The following AFG2A variants were observed in gnomAD, a reference collection of about 807,000 sequenced individuals.
AFG2A encodes the protein ATPase family gene 2 protein homolog A.
At chr4:123,240,753 T>C in the AFG2A span, among the ~76,000 whole-genome samples, 3 of 151,734 alleles carry the variant, frequency 2.0e-5, no homozygotes, top group Non-Finnish European at 4.4e-5. Flanking sequence ...ATACAAAAGC[T>C]AGCAGAAGGC....
chr4:123,204,556 G>A, the AFG2A span, among the ~76,000 whole-genome samples: 1 of 152,150 alleles, frequency 6.6e-6, no homozygotes, highest in Admixed American at 6.5e-5. Flanking sequence ...TGGATATGTG[G>A]TTTATACAAG....
At chr4:122,954,436 G>A in the AFG2A span, among the ~76,000 whole-genome samples, 2 of 152,206 alleles carry the variant, frequency 1.3e-5, no homozygotes, top group East Asian at 3.8e-4. Flanking sequence ...CCATTGGTCT[G>A]ACTTTATCTT....
chr4:123,227,810 G>T, the AFG2A span, among the ~76,000 whole-genome samples: 2 of 152,134 alleles, frequency 1.3e-5, no homozygotes, highest in African/African-American at 4.8e-5. Flanking sequence ...TGACAGTGGG[G>T]TGTTAAAGTC....
At chr4:123,131,556 A>G in the AFG2A span, among the ~76,000 whole-genome samples, 1 of 152,144 alleles carries the variant, frequency 6.6e-6, no homozygotes, top group African/African-American at 2.4e-5. Context: ...ACTGCTCTGG[A>G]TACCTCATAT....
the AFG2A span, among the ~76,000 whole-genome samples, chr4:123,078,147 G>GT: frequency 2.0e-5 from 3 of 151,718 alleles, no homozygotes; most frequent in East Asian, 1.9e-4. Flanking sequence ...GATTGTTCCT[G>GT]TTTTTTTTCT....
chr4:123,096,468 A>G, the AFG2A span, among the ~76,000 whole-genome samples: 1 of 152,012 alleles, frequency 6.6e-6, no homozygotes, highest in Non-Finnish European at 1.5e-5. Flanking sequence ...GCCCCTTTAG[A>G]AGTGTCCAGT....
chr4:123,189,637 T>C, the AFG2A span, among the ~76,000 whole-genome samples: 1 of 152,062 alleles, frequency 6.6e-6, no homozygotes, highest in Non-Finnish European at 1.5e-5. Flanking sequence ...TACTGTTGTT[T>C]GTTTCACTCC....
At chr4:123,269,889 T>C in the AFG2A span, among the ~76,000 whole-genome samples, 1 of 152,142 alleles carries the variant, frequency 6.6e-6, no homozygotes, top group South Asian at 2.1e-4. Context: ...CCATCTCGGC[T>C]CACGGCAACC....
chr4:123,317,236 A>C, the AFG2A span: 1 of 151,992 alleles, frequency 6.6e-6, no homozygotes, highest in Non-Finnish European at 1.5e-5. Context: ...AAAAAAAAAA[A>C]AAAAAAACCT....
the AFG2A span, among the ~76,000 whole-genome samples, chr4:123,010,363 C>T: frequency 6.6e-6 from 1 of 151,114 alleles, no homozygotes; most frequent in East Asian, 2.0e-4. Context: ...AATTTTTTGT[C>T]TAGTCCTTAA....
At chr4:123,256,029 C>G in the AFG2A span, 1 of 1,613,950 alleles carries the variant, frequency 6.2e-7, no homozygotes, top group African/African-American at 1.3e-5. Context: ...TTGATGCGGC[C>G]TGGAAGAATT....
At chr4:122,962,245 A>T in the AFG2A span, among the ~76,000 whole-genome samples, 1 of 152,216 alleles carries the variant, frequency 6.6e-6, no homozygotes, top group Non-Finnish European at 1.5e-5. Context: ...CCCATGGGCC[A>T]TTGGTTGGGG....
At chr4:123,192,985 G>T in the AFG2A span, among the ~76,000 whole-genome samples, 15 of 152,166 alleles carry the variant, frequency 9.9e-5, 1 homozygote, top group Non-Finnish European at 1.6e-4. Flanking sequence ...GCATTAACTT[G>T]TTATCTCTTG....
At chr4:123,299,655 G>C in the AFG2A span, among the ~76,000 whole-genome samples, 1 of 151,958 alleles carries the variant, frequency 6.6e-6, no homozygotes, top group African/African-American at 2.4e-5. Context: ...ATGATACTTT[G>C]TTTGTTTGTT....
At chr4:123,314,148 A>C in the AFG2A span, 6 of 1,233,104 alleles carry the variant, frequency 4.9e-6, no homozygotes, top group Non-Finnish European at 5.4e-6. Context: ...TGTTAAAAAA[A>C]ATTTTACTAG....
At chr4:123,059,157 T>TTTATTTTATTTTATTTTATTA in the AFG2A span, among the ~76,000 whole-genome samples, 1 of 149,892 alleles carries the variant, frequency 6.7e-6, no homozygotes, top group Non-Finnish European at 1.5e-5. Flanking sequence ...TTTATTTTAT[T>TTTATTTTATTTTATTTTATTA]TTATTATTAT....
chr4:123,294,885 A>G, the AFG2A span, among the ~76,000 whole-genome samples: 6 of 152,352 alleles, frequency 3.9e-5, no homozygotes, highest in East Asian at 1.2e-3. Flanking sequence ...TCTTAGGAGA[A>G]TTAGAAGCTA....
At chr4:123,099,195 T>G in the AFG2A span, among the ~76,000 whole-genome samples, 2 of 152,016 alleles carry the variant, frequency 1.3e-5, no homozygotes, top group Non-Finnish European at 2.9e-5. Flanking sequence ...TTGCCCATTT[T>G]TTAATCAGGT....
chr4:123,319,307 A>G, the AFG2A span: 2 of 152,352 alleles, frequency 1.3e-5, no homozygotes, highest in South Asian at 2.1e-4. Flanking sequence ...CTGAAGTTCC[A>G]GAATGTGAGG....
Sources: allele counts gnomAD v4.1 joint callset (sites outside exome capture counted in the v4.1 genomes callset), GRCh38; gene constraint gnomAD v4.1.1; transcripts MANE v1.5; gene names NCBI Gene and HGNC (gene_info 2026-07-23, HGNC 2026-07-21).